The following LRP1B variants were observed in gnomAD, a reference collection of about 807,000 sequenced individuals.
The protein encoded by LRP1B is low-density lipoprotein receptor-related protein 1B.
In LRP1B, 217 loss-of-function variants were observed where a neutral mutation model predicts 556.6. That is an observed-to-expected ratio of 0.39 (90% CI 0.35 to 0.44). The LOEUF (loss-of-function observed/expected upper bound fraction) is 0.44, where lower values mean the gene tolerates loss of function less well. Ranked by LOEUF, LRP1B falls within the 20% of genes least tolerant of loss-of-function variation. The pLI is 1.00. For synonymous variants in LRP1B, 2,047 were observed against 1,865.8 expected, an observed-to-expected ratio of 1.10 and a Z score of -2.50; for missense variants, 5,053 against 5,620.8, an observed-to-expected ratio of 0.90 and a Z score of 3.23.
chr2:140,280,593 A>G (rs573341296), intron 84 of LRP1B, among the ~76,000 whole-genome samples: 137 of 151,910 alleles, frequency 9.0e-4, no homozygotes, highest in Non-Finnish European at 1.7e-3. Context: ...GAAATGCATG[A>G]TGGGACACTA....
At chr2:141,834,367 C>A (rs6721397) in intron 1 of LRP1B, among the ~76,000 whole-genome samples, 67,223 of 151,412 alleles carry the variant, frequency 0.44, 15,624 homozygotes, top group African/African-American at 0.58. Context: ...AACGAAGAGA[C>A]CCTAAACTCA....
intron 66 of LRP1B, among the ~76,000 whole-genome samples, chr2:140,411,646 G>A (rs1466858119): frequency 6.6e-6 from 1 of 151,994 alleles, no homozygotes; most frequent in Admixed American, 6.6e-5. Context: ...TACTTATATG[G>A]AGAAATGATA....
chr2:141,385,864 T>A (rs1689816131), intron 3 of LRP1B, among the ~76,000 whole-genome samples: 1 of 152,218 alleles, frequency 6.6e-6, no homozygotes, highest in South Asian at 2.1e-4. Context: ...ATACTGGTGC[T>A]ACTAGGATGC....
intron 1 of LRP1B, among the ~76,000 whole-genome samples, chr2:141,889,087 T>C (rs1010030383): frequency 3.3e-5 from 5 of 152,178 alleles, no homozygotes; most frequent in African/African-American, 9.7e-5. Context: ...ATAATGCTTA[T>C]TTCCCTGTTA....
chr2:140,737,862 C>T (rs1160596455), intron 35 of LRP1B, among the ~76,000 whole-genome samples: 1 of 152,176 alleles, frequency 6.6e-6, no homozygotes, highest in East Asian at 1.9e-4. Context: ...ACGTAATAGC[C>T]CTGGTGGCAG....
intron 66 of LRP1B, among the ~76,000 whole-genome samples, chr2:140,407,143 A>G (rs373460065): frequency 6.6e-6 from 1 of 152,268 alleles, no homozygotes. Context: ...AGCCACACAT[A>G]GAAGAATGAA....
At chr2:141,264,627 G>T (rs1472258699) in intron 3 of LRP1B, among the ~76,000 whole-genome samples, 1 of 151,982 alleles carries the variant, frequency 6.6e-6, no homozygotes, top group African/African-American at 2.4e-5. Flanking sequence ...GATAAATTTT[G>T]TATTTTTAGT....
intron 1 of LRP1B, among the ~76,000 whole-genome samples, chr2:142,058,006 G>A (rs886243337): frequency 3.3e-5 from 5 of 152,104 alleles, no homozygotes; most frequent in Non-Finnish European, 7.4e-5. Context: ...TGAAGGAAAG[G>A]ATGTTTGCTC....
chr2:140,690,773 C>T (rs1686208258), intron 41 of LRP1B, among the ~76,000 whole-genome samples: 1 of 152,186 alleles, frequency 6.6e-6, no homozygotes, highest in Non-Finnish European at 1.5e-5. Context: ...ATCTTGCTAA[C>T]TCCCTATGGA....
At chr2:140,845,223 T>G (rs1692239285) in intron 29 of LRP1B, among the ~76,000 whole-genome samples, 1 of 152,186 alleles carries the variant, frequency 6.6e-6, no homozygotes, top group Non-Finnish European at 1.5e-5. Flanking sequence ...AGCTTATATA[T>G]GAGAAATCCA....
intron 1 of LRP1B, among the ~76,000 whole-genome samples, chr2:141,967,480 A>T (rs1701595899): frequency 6.6e-6 from 1 of 151,878 alleles, no homozygotes; most frequent in South Asian, 2.1e-4. Context: ...AGAAAATCTC[A>T]CCGTATTTCT....
At chr2:140,382,193 T>C (rs1488334194) in intron 67 of LRP1B, among the ~76,000 whole-genome samples, 1 of 152,176 alleles carries the variant, frequency 6.6e-6, no homozygotes, top group Non-Finnish European at 1.5e-5. Context: ...TAGTATAACT[T>C]ATACTCTATA....
At chr2:140,716,972 G>A (rs1170691266) in intron 35 of LRP1B, among the ~76,000 whole-genome samples, 156 bp from the exon 36 acceptor site, 1 of 151,152 alleles carries the variant, frequency 6.6e-6, no homozygotes, top group Non-Finnish European at 1.5e-5. Flanking sequence ...AATATAAATA[G>A]TAAAAAAAAA....
chr2:141,794,300 A>G (rs907482771), intron 2 of LRP1B, among the ~76,000 whole-genome samples: 7 of 151,980 alleles, frequency 4.6e-5, no homozygotes, highest in African/African-American at 1.7e-4. Flanking sequence ...TTTTGATATC[A>G]GGAGAGGCTT....
intron 83 of LRP1B, among the ~76,000 whole-genome samples, chr2:140,304,826 TTTTGTA>T (rs1299047351): frequency 6.6e-6 from 1 of 152,168 alleles, no homozygotes; most frequent in Non-Finnish European, 1.5e-5. Context: ...TTGAATTAAT[TTTTGTA>T]TAAGGTGTAA....
chr2:141,950,112 C>T (rs964370720), intron 1 of LRP1B, among the ~76,000 whole-genome samples: 2 of 152,036 alleles, frequency 1.3e-5, no homozygotes, highest in Non-Finnish European at 2.9e-5. Context: ...TCTTTCAATT[C>T]GTCCACTTTT....
intron 2 of LRP1B, among the ~76,000 whole-genome samples, chr2:141,492,581 T>A (rs1380530717): frequency 6.6e-6 from 1 of 152,068 alleles, no homozygotes; most frequent in Non-Finnish European, 1.5e-5. Flanking sequence ...AAAATAGAGA[T>A]GAGAGAAGAC....
At chr2:142,074,667 G>C (rs565002663) in intron 1 of LRP1B, among the ~76,000 whole-genome samples, 1 of 151,954 alleles carries the variant, frequency 6.6e-6, no homozygotes, top group East Asian at 1.9e-4. Context: ...TTTGTTGATA[G>C]CCAGTCATCT....
chr2:140,615,623 A>T (rs1291588535), intron 41 of LRP1B, among the ~76,000 whole-genome samples: 4 of 152,088 alleles, frequency 2.6e-5, no homozygotes, highest in Non-Finnish European at 4.4e-5. Context: ...GAGAGAGGCC[A>T]CAGATACATT....
Sources: gnomAD v4.1 joint callset for allele counts (sites outside exome capture counted in the v4.1 genomes callset) on GRCh38, gnomAD v4.1.1 for gene constraint, MANE v1.5 for transcripts, NCBI Gene and HGNC (gene_info 2026-07-23, HGNC 2026-07-21) for gene names.